PCDHGB5: variants seen among roughly 807,000 people sequenced by gnomAD.
PCDHGB5 encodes protocadherin gamma subfamily B, 5, also known as protocadherin gamma-B5.
Under a neutral mutation model 62.9 loss-of-function variants are expected in PCDHGB5, and 48 were observed. The observed-to-expected ratio is 0.76, with a 90% CI of 0.61 to 0.97. PCDHGB5 has a LOEUF of 0.97. Ranked by LOEUF, PCDHGB5 falls within the 50% of genes least tolerant of loss-of-function variation. The pLI is 0.00. For missense variants in PCDHGB5, 1,118 were observed against 1,198.6 expected (o/e 0.93, Z 0.99); for synonymous variants, 474 against 511.2 (o/e 0.93, Z 0.98).
chr5:141,494,237 G>A (rs555725765), intron 1 of PCDHGB5, among the ~76,000 whole-genome samples: 3 of 152,312 alleles, frequency 2.0e-5, no homozygotes, highest in East Asian at 3.9e-4. Flanking sequence ...AATTAATAAT[G>A]TATTTAGCTG....
chr5:141,466,812 G>T (rs1394979761), intron 1 of PCDHGB5, among the ~76,000 whole-genome samples: 1 of 151,940 alleles, frequency 6.6e-6, no homozygotes, highest in African/African-American at 2.4e-5. Flanking sequence ...ATTCAGACAT[G>T]GTATAACAAG....
intron 1 of PCDHGB5, chr5:141,410,517 C>T: frequency 6.2e-7 from 1 of 1,613,926 alleles, no homozygotes; most frequent in Non-Finnish European, 8.5e-7. Flanking sequence ...TGCAGTGTGC[C>T]CCTACATTCC....
rs1223431294 is a variant in PCDHGB5, at chr5:141,490,280, C to T, written c.2398-4527C>T. ...GATGTGGGGGATGTCAATGACAATG[C>T]CCCAGAGGTGCTATTGGCCTCTTTG... On this transcript the variant is annotated intron_variant, in intron 1 of 3. Transcript: ENST00000617380. The surrounding 1 kb of genome is among the most constrained non-coding windows in gnomAD (Gnocchi z 5.4). The T allele has an allele frequency of 5.6e-6, 9 of 1,614,216 alleles. No individual in the cohort carries two copies. In the East Asian group the frequency reaches 1.8e-4, roughly 32 times the overall value.
Position 141,399,199 on chromosome 5 carries a change from C to T in PCDHGB5, c.1072C>T (p.Pro358Ser), listed in dbSNP as rs2093768918. Residue 358 changes from proline to serine, a missense_variant, in exon 1 of 4, where the codon CCT becomes TCT. Physicochemically the swap from Pro to Ser is moderately conservative, Grantham distance 74. Transcript: ENST00000617380. Reference sequence around the variant, plus strand: ...TGAAATGATTCTGGAAAACGCGGTGCCTGGAACACTAATTGCTTTGATCAA... The same window carrying T: ...TGAAATGATTCTGGAAAACGCGGTGTCTGGAACACTAATTGCTTTGATCAA... ...LLEMILENAV[P>S]GTLIALIKIH... is the part of the protein sequence containing the mutation. The T allele has an allele frequency of 5.0e-6, 8 of 1,613,876 alleles. No homozygotes were observed. Among genetic ancestry groups the T allele is most frequent in the Non-Finnish European group, 6.8e-6 (8 of 1,179,848 alleles).
intron 2 of PCDHGB5, among the ~76,000 whole-genome samples, chr5:141,502,705 T>C (rs1475675789): frequency 6.6e-6 from 1 of 152,248 alleles, no homozygotes; most frequent in African/African-American, 2.4e-5. Context: ...TATCTGTTTT[T>C]ACATCAGTGA....
intron 2 of PCDHGB5, among the ~76,000 whole-genome samples, chr5:141,504,579 G>T (rs994771989): frequency 2.0e-5 from 3 of 149,174 alleles, no homozygotes; most frequent in Non-Finnish European, 4.4e-5. Context: ...AACACCATCT[G>T]CCCAGGATTC....
chr5:141,473,699 C>T (rs560096812), intron 1 of PCDHGB5, among the ~76,000 whole-genome samples: 2 of 152,244 alleles, frequency 1.3e-5, no homozygotes, highest in South Asian at 2.1e-4. Flanking sequence ...TGACCACCCT[C>T]CAAGTGGTGC....
rs2154591305 is a variant in PCDHGB5, at chr5:141,493,879, G to A, written c.2398-928G>A. Among the ~76,000 whole-genome samples the A allele has an allele frequency of 6.6e-6, 1 of 152,288 alleles. No homozygotes were observed. The highest frequency in any genetic ancestry group is 6.5e-5 in the Admixed American group (1 of 15,302). ...CCCACCCCAGAACCAGTGAGGAGGT[G>A]GCTCTAGGAGTGCTCCATGAGAGTG... On this transcript the variant is annotated intron_variant, in intron 1 of 3. Coordinates refer to ENST00000617380, the MANE Select transcript of PCDHGB5 (RefSeq NM_018925.3). This position sits in a 1 kb window ranked among gnomAD's most constrained non-coding sequence, Gnocchi z 4.3.
At chr5:141,474,461 CTT>C (rs1264129273) in intron 1 of PCDHGB5, among the ~76,000 whole-genome samples, 1 of 152,214 alleles carries the variant, frequency 6.6e-6, no homozygotes, top group East Asian at 1.9e-4. Context: ...GGGCTATACT[CTT>C]TATTCTAAAT....
rs139211149 is a variant in PCDHGB5, at chr5:141,426,067, G to A, written c.2397+25543G>A. Among the ~76,000 whole-genome samples, 5 of 152,328 alleles carry A rather than the reference G, an allele frequency of 3.3e-5. No individual in the cohort carries two copies. The East Asian group carries it at 9.6e-4, about 29-fold the overall frequency. On this transcript the variant is annotated intron_variant, in intron 1 of 3. Coordinates refer to ENST00000617380, the MANE Select transcript of PCDHGB5 (RefSeq NM_018925.3). Reference sequence around the variant, plus strand: ...TGGCCAATGTGCTGCAAGAACTGGAGCCTGGGATCTACCAGGACGATATTC... The same window carrying A: ...TGGCCAATGTGCTGCAAGAACTGGAACCTGGGATCTACCAGGACGATATTC...
At chr5:141,446,288 G>C (rs1437669688) in intron 1 of PCDHGB5, among the ~76,000 whole-genome samples, 1 of 152,100 alleles carries the variant, frequency 6.6e-6, no homozygotes, top group Non-Finnish European at 1.5e-5. Flanking sequence ...GGATAAATGG[G>C]GAGCAGGGAT....
At chr5:141,496,400 A>G (rs540108338) in intron 2 of PCDHGB5, among the ~76,000 whole-genome samples, 2 of 152,240 alleles carry the variant, frequency 1.3e-5, no homozygotes, top group East Asian at 3.9e-4. Flanking sequence ...TACCTCCTCA[A>G]TGGTTGAGTA....
chr5:141,500,444 C>T (rs1032064705), intron 2 of PCDHGB5, among the ~76,000 whole-genome samples: 3 of 151,370 alleles, frequency 2.0e-5, no homozygotes, highest in African/African-American at 4.9e-5. Context: ...CTCCTGACCT[C>T]GTGATCCGCC....
chr5:141,413,129 A>T (rs761379605), intron 1 of PCDHGB5: 41 of 1,536,352 alleles, frequency 2.7e-5, no homozygotes, highest in Non-Finnish European at 3.6e-5. Context: ...GTTGAAACAC[A>T]CAACGTGTCC....
Position 141,486,970 on chromosome 5 carries a change from T to G in PCDHGB5, c.2398-7837T>G, listed in dbSNP as rs754309905. 1 of 1,614,050 alleles carries G rather than the reference T, an allele frequency of 6.2e-7. No individual in the cohort carries two copies. Among genetic ancestry groups the G allele is most frequent in the African/African-American group, 1.3e-5 (1 of 74,904 alleles). ...CAAAGGTGACTGCTGTGGACTTGGATTCAGGTTACAATGCTTGGGTTTCCT... is the reference window on the plus strand; with the variant it reads ...CAAAGGTGACTGCTGTGGACTTGGAGTCAGGTTACAATGCTTGGGTTTCCT... On this transcript the variant is annotated intron_variant, in intron 1 of 3. Coordinates refer to ENST00000617380, the MANE Select transcript of PCDHGB5 (RefSeq NM_018925.3). This position sits in a 1 kb window ranked among gnomAD's most constrained non-coding sequence, Gnocchi z 5.0.
At chr5:141,465,318 A>G (rs1440554123) in intron 1 of PCDHGB5, among the ~76,000 whole-genome samples, 1 of 152,198 alleles carries the variant, frequency 6.6e-6, no homozygotes, top group Non-Finnish European at 1.5e-5. Flanking sequence ...AGCCATGTCA[A>G]TGCAGTATTT....
In PCDHGB5 at chr5:141,431,140, C is replaced by G. The variant is rs145692116; in HGVS notation, c.2397+30616C>G. The G allele has an allele frequency of 6.2e-7, 1 of 1,614,208 alleles. No individual in the cohort carries two copies. The highest frequency in any genetic ancestry group is 1.7e-5 in the Admixed American group (1 of 60,038). On this transcript the variant is annotated intron_variant, in intron 1 of 3. Transcript: ENST00000617380. This position sits in a 1 kb window ranked among gnomAD's most constrained non-coding sequence, Gnocchi z 4.8. The stretch of plus-strand genomic sequence containing the variant: ...TAGAAGTAGAAGTAAGGGACATTAA[C>G]GACAATGCGCCTTACTTTCGTGAAA...
At chr5:141,410,847 G>GTATTT in intron 1 of PCDHGB5, 1 of 158,252 alleles carries the variant, frequency 6.3e-6, no homozygotes. Flanking sequence ...TTTTGTCTTT[G>GTATTT]TCTTTTTTTT....
At position 141,486,141 on chromosome 5, in the gene PCDHGB5, G is replaced by A. The variant is rs369317501; in HGVS notation, c.2398-8666G>A. 28 of 1,614,066 alleles carry A rather than the reference G, an allele frequency of 1.7e-5. No homozygotes were observed. The highest frequency in any genetic ancestry group is 2.3e-5 in the Non-Finnish European group (27 of 1,180,044). On this transcript the variant is annotated intron_variant, in intron 1 of 3. Transcript: ENST00000617380. This position sits in a 1 kb window ranked among gnomAD's most constrained non-coding sequence, Gnocchi z 5.0. ...TACTATGAATTTGATGTGCGGGCTC[G>A]CGATGGGGGTTCTCCAGCCATGGAG...
Sources: gnomAD v4.1 joint callset for allele counts (sites outside exome capture counted in the v4.1 genomes callset) on GRCh38, gnomAD v4.1.1 for gene constraint, Gnocchi (gnomAD v3.1) non-coding constraint, MANE v1.5 for transcripts, NCBI Gene and HGNC (gene_info 2026-07-23, HGNC 2026-07-21) for gene names.